XXYLT1: variants seen among roughly 807,000 people sequenced by gnomAD.
The protein encoded by XXYLT1 is UDP-xylose:alpha-xyloside alpha-1,3-xylosyltransferase.
A neutral mutation model predicts 28.9 loss-of-function variants in XXYLT1; 20 were observed. The ratio of observed to expected loss-of-function variants is 0.69; its 90% CI spans 0.49 to 1.00. The LOEUF is 1.00. Ranked by LOEUF, XXYLT1 falls within the 50% of genes least tolerant of loss-of-function variation. The pLI is 0.00. For missense variants in XXYLT1, 542 were observed against 560.1 expected, an observed-to-expected ratio of 0.97 and a Z score of 0.33; for synonymous variants, 257 against 253.8, an observed-to-expected ratio of 1.01 and a Z score of -0.12.
chr3:195,185,089 GGAAGGAAGGA>G (rs1722127703), intron 2 of XXYLT1, among the ~76,000 whole-genome samples: 1 of 3,304 alleles, frequency 3.0e-4, no homozygotes, highest in Admixed American at 1.9e-3. Context: ...GAAGGAAGAA[GGAAGGAAGGA>G]AGGAAGGAAG....
intron 1 of XXYLT1, among the ~76,000 whole-genome samples, chr3:195,265,816 AAC>A (rs1249258504): frequency 1.3e-5 from 2 of 152,230 alleles, no homozygotes; most frequent in African/African-American, 2.4e-5. Context: ...GGGATGGTGA[AAC>A]ACAGAGCTGG....
chr3:195,142,310 C>T (rs1405973695), intron 3 of XXYLT1, among the ~76,000 whole-genome samples: 1 of 152,208 alleles, frequency 6.6e-6, no homozygotes, highest in African/African-American at 2.4e-5. Context: ...TTTATCTTTA[C>T]TTACTATGGT....
intron 1 of XXYLT1, among the ~76,000 whole-genome samples, chr3:195,244,165 C>T (rs1724903626): frequency 6.6e-6 from 1 of 152,174 alleles, no homozygotes; most frequent in Non-Finnish European, 1.5e-5. Flanking sequence ...GAGATGGGCC[C>T]TATTCCAGTC....
intron 1 of XXYLT1, chr3:195,259,570 C>T: frequency 2.0e-6 from 2 of 985,454 alleles, no homozygotes; most frequent in Non-Finnish European, 2.4e-6. Context: ...AGGCCTCCCG[C>T]CCCAGGTACA....
At chr3:195,138,540 G>A (rs776114060) in intron 3 of XXYLT1, among the ~76,000 whole-genome samples, 67 of 152,214 alleles carry the variant, frequency 4.4e-4, no homozygotes, top group Non-Finnish European at 6.8e-4. Flanking sequence ...CCTGTGCCTC[G>A]AAGAATGAGC....
chr3:195,252,388 A>G (rs924229154), intron 1 of XXYLT1, among the ~76,000 whole-genome samples: 1 of 152,242 alleles, frequency 6.6e-6, no homozygotes, highest in African/African-American at 2.4e-5. Context: ...CTTACACAGT[A>G]GAAACAAAGA....
intron 2 of XXYLT1, among the ~76,000 whole-genome samples, chr3:195,203,318 G>A (rs1479531942): frequency 6.6e-6 from 1 of 152,126 alleles, no homozygotes; most frequent in African/African-American, 2.4e-5. Context: ...CTTACCATAT[G>A]AAAGGAGATC....
intron 2 of XXYLT1, among the ~76,000 whole-genome samples, chr3:195,223,412 C>G (rs1396032370): frequency 1.3e-5 from 2 of 152,170 alleles, no homozygotes; most frequent in African/African-American, 4.8e-5. Context: ...ACCCAGCCCT[C>G]CTGGGTGAGA....
At chr3:195,094,565 C>T (rs1295704202) in intron 3 of XXYLT1, 1 of 153,930 alleles carries the variant, frequency 6.5e-6, no homozygotes, top group Non-Finnish European at 1.5e-5. Context: ...CTAAGCGCTT[C>T]GATCCCACAT....
At chr3:195,112,109 ATAGT>A (rs1332694733) in intron 3 of XXYLT1, among the ~76,000 whole-genome samples, 1 of 152,186 alleles carries the variant, frequency 6.6e-6, no homozygotes, top group African/African-American at 2.4e-5. Context: ...TGAGGACAAG[ATAGT>A]TATAATTATT....
chr3:195,169,960 G>C (rs930072901), intron 2 of XXYLT1, among the ~76,000 whole-genome samples: 3 of 150,654 alleles, frequency 2.0e-5, no homozygotes, highest in African/African-American at 7.3e-5. Flanking sequence ...CTGCCTCCCA[G>C]GTTCAAGCGA....
chr3:195,100,767 CT>C (rs1175109690), intron 3 of XXYLT1, among the ~76,000 whole-genome samples: 1 of 152,238 alleles, frequency 6.6e-6, no homozygotes, highest in Non-Finnish European at 1.5e-5. Context: ...GCCCCCAAGC[CT>C]TGGACTATGT....
chr3:195,111,817 T>C (rs1273223008), intron 3 of XXYLT1, among the ~76,000 whole-genome samples: 1 of 152,116 alleles, frequency 6.6e-6, no homozygotes, highest in Non-Finnish European at 1.5e-5. Context: ...CAAAACAGAA[T>C]TTTCAAAAAT....
chr3:195,088,919 G>C (rs1454869783), intron 3 of XXYLT1, among the ~76,000 whole-genome samples: 1 of 151,406 alleles, frequency 6.6e-6, no homozygotes, highest in Non-Finnish European at 1.5e-5. Flanking sequence ...TGGAAGAAAG[G>C]GTATCAGCAA....
intron 1 of XXYLT1, among the ~76,000 whole-genome samples, chr3:195,229,962 A>C (rs1724229709): frequency 6.6e-6 from 1 of 152,216 alleles, no homozygotes; most frequent in African/African-American, 2.4e-5. Context: ...AGGAACCGCC[A>C]ATCTGTTCTC....
intron 2 of XXYLT1, among the ~76,000 whole-genome samples, chr3:195,194,767 AC>A (rs1722557441): frequency 6.6e-6 from 1 of 152,212 alleles, no homozygotes; most frequent in Non-Finnish European, 1.5e-5. Flanking sequence ...ACATGGATGA[AC>A]CTCAAGAACA....
chr3:195,219,552 A>G (rs924067638), intron 2 of XXYLT1, among the ~76,000 whole-genome samples: 2 of 152,202 alleles, frequency 1.3e-5, no homozygotes, highest in Non-Finnish European at 2.9e-5. Flanking sequence ...AGAATTTCCC[A>G]TGTGGGTTTT....
chr3:195,071,149 G>A (rs1324169053), intron 3 of XXYLT1, among the ~76,000 whole-genome samples: 2 of 152,196 alleles, frequency 1.3e-5, no homozygotes, highest in Admixed American at 6.5e-5. Context: ...CACAGCAATC[G>A]TGCCGGTGAC....
intron 2 of XXYLT1, among the ~76,000 whole-genome samples, chr3:195,211,459 T>G (rs1478033808): frequency 6.6e-6 from 1 of 152,206 alleles, no homozygotes; most frequent in Non-Finnish European, 1.5e-5. Flanking sequence ...TAAAATAAAG[T>G]AGTTCAAGAT....
Sources: allele counts gnomAD v4.1 joint callset (sites outside exome capture counted in the v4.1 genomes callset), GRCh38; gene constraint gnomAD v4.1.1; transcripts MANE v1.5; gene names NCBI Gene and HGNC (gene_info 2026-07-23, HGNC 2026-07-21).